The following ANKRD44 variants were observed in gnomAD, a reference collection of about 807,000 sequenced individuals.
ANKRD44 encodes the protein ankyrin repeat domain 44.
A neutral mutation model predicts 116.0 loss-of-function variants in ANKRD44; 35 were observed. The ratio of observed to expected loss-of-function variants is 0.30; its 90% confidence interval spans 0.23 to 0.40. The LOEUF (loss-of-function observed/expected upper bound fraction) is 0.40, where lower values mean the gene tolerates loss of function less well. Ranked by LOEUF, ANKRD44 falls within the 10% of genes least tolerant of loss-of-function variation. The probability of loss-of-function intolerance (pLI) is 1.00; values close to 1 mark genes in which losing one functional copy is unlikely to be tolerated. For synonymous variants in ANKRD44, 435 were observed against 461.8 expected (o/e 0.94, Z 0.74); for missense variants, 1,014 against 1,242.6 (o/e 0.82, Z 2.77).
At chr2:197,309,151 G>A (rs1452030642) in intron 1 of ANKRD44, among the ~76,000 whole-genome samples, 1 of 152,202 alleles carries the variant, frequency 6.6e-6, no homozygotes, top group Non-Finnish European at 1.5e-5. Context: ...ACGTGTACTA[G>A]CAAAGATGAC....
intron 21 of ANKRD44, among the ~76,000 whole-genome samples, chr2:196,972,954 G>A (rs970351707): frequency 3.9e-5 from 6 of 152,174 alleles, no homozygotes; most frequent in Non-Finnish European, 7.4e-5. Context: ...AAAGCATTGT[G>A]TCATAGTTTA....
chr2:197,013,795 T>G (rs893389814), intron 17 of ANKRD44, 83 bp from the exon 18 acceptor site: 3 of 1,451,196 alleles, frequency 2.1e-6, no homozygotes, highest in Non-Finnish European at 1.9e-6. Flanking sequence ...CTGGGCTTCC[T>G]GGGCCATGGA....
chr2:197,229,870 A>C (rs377730994), intron 1 of ANKRD44, among the ~76,000 whole-genome samples: 2 of 152,184 alleles, frequency 1.3e-5, no homozygotes, highest in South Asian at 2.1e-4. Context: ...ACATCGATGC[A>C]GAATTGGAAA....
At chr2:197,021,833 C>A (rs377538381) in intron 17 of ANKRD44, among the ~76,000 whole-genome samples, 3 of 152,314 alleles carry the variant, frequency 2.0e-5, no homozygotes, top group African/African-American at 7.2e-5. Flanking sequence ...TGATTAATTT[C>A]TCCAGACCTT....
chr2:197,129,666 T>A (rs542984112), intron 4 of ANKRD44, among the ~76,000 whole-genome samples: 7 of 152,304 alleles, frequency 4.6e-5, no homozygotes, highest in Admixed American at 1.3e-4. Context: ...TTTCTACTTT[T>A]TACAACTCTT....
intron 2 of ANKRD44, among the ~76,000 whole-genome samples, chr2:197,182,606 A>G (rs951038184): frequency 3.3e-5 from 5 of 152,204 alleles, no homozygotes; most frequent in Admixed American, 3.3e-4. Context: ...CATCAAGCAT[A>G]TACAGTTTTC....
chr2:197,100,451 A>C (rs1436360425), intron 9 of ANKRD44, among the ~76,000 whole-genome samples: 3 of 152,190 alleles, frequency 2.0e-5, no homozygotes, highest in Non-Finnish European at 2.9e-5. Context: ...AAAGAAAAAG[A>C]AAAAGAAAAA....
At chr2:197,005,644 G>A (rs2076188095) in intron 21 of ANKRD44, 50 bp downstream of exon 21, 2 of 1,568,418 alleles carry the variant, frequency 1.3e-6, no homozygotes, top group South Asian at 2.2e-5. Flanking sequence ...GCTCACAGTG[G>A]TCCTGGGGTA....
At chr2:197,004,597 T>C (rs2125905836) in intron 21 of ANKRD44, among the ~76,000 whole-genome samples, 1 of 152,304 alleles carries the variant, frequency 6.6e-6, no homozygotes. Context: ...TCGACAAAAA[T>C]TTAAAAAGGT....
At chr2:196,973,924 C>T (rs962746031) in intron 21 of ANKRD44, among the ~76,000 whole-genome samples, 1 of 152,078 alleles carries the variant, frequency 6.6e-6, no homozygotes, top group South Asian at 2.1e-4. Context: ...ATCTGTGAAG[C>T]CCTTTCTTAA....
Position 197,265,669 on chromosome 2 carries a change from T to C in ANKRD44, c.27+44909A>G, listed in dbSNP as rs190767490. On this transcript the variant is annotated intron_variant, in intron 1 of 27. Transcript: ENST00000282272. Reference sequence around the variant, plus strand: ...GATTCTCTATCTCCTAAGTGTAGAGTTTCTCATATGCAGAGATCATTATAA... The same window carrying C: ...GATTCTCTATCTCCTAAGTGTAGAGCTTCTCATATGCAGAGATCATTATAA... Among the ~76,000 whole-genome samples, 338 of 152,100 alleles carry C rather than the reference T, an allele frequency of 2.2e-3. 3 individuals carry two copies. Among genetic ancestry groups the C allele is most frequent in the African/African-American group, 7.9e-3 (326 of 41,494 alleles).
chr2:197,087,993 T>C (rs1269240097), intron 12 of ANKRD44, among the ~76,000 whole-genome samples: 1 of 152,190 alleles, frequency 6.6e-6, no homozygotes, highest in Non-Finnish European at 1.5e-5. Flanking sequence ...AATATACAAA[T>C]GACAAATGGA....
chr2:197,075,989 ATCT>A (rs1341621613), intron 16 of ANKRD44, among the ~76,000 whole-genome samples: 3 of 152,156 alleles, frequency 2.0e-5, no homozygotes, highest in Non-Finnish European at 4.4e-5. Context: ...ATGGCCCCCC[ATCT>A]TCTTCAATCC....
chr2:197,300,312 C>G (rs1210610589), intron 1 of ANKRD44, among the ~76,000 whole-genome samples: 4 of 152,100 alleles, frequency 2.6e-5, no homozygotes, highest in Non-Finnish European at 5.9e-5. Context: ...ATTTAGTCAC[C>G]AGGTTACCTG....
rs974708919 is a variant in ANKRD44 at position 196,988,421 on chromosome 2, C to T, written c.*1170G>A. 6.1e-6 allele frequency: 6 copies of T among 985,180 alleles called. No individual in the cohort carries two copies. Among genetic ancestry groups the T allele is most frequent in the Non-Finnish European group, 6.0e-6 (5 of 829,906 alleles). 61.0% of individuals were successfully genotyped at this position (985,180 alleles called of 1,614,324 possible). On this transcript the variant is annotated 3_prime_UTR_variant, in exon 28 of 28. Coordinates refer to ENST00000282272, the MANE Select transcript of ANKRD44 (RefSeq NM_001195144.2). ...AGGACAGAAGGTGGGAAGCACAACA[C>T]CAAGAATTCAAAAAAACAATGGTGG...
intron 1 of ANKRD44, among the ~76,000 whole-genome samples, chr2:197,289,540 T>C (rs1425904529): frequency 6.6e-6 from 1 of 152,184 alleles, no homozygotes; most frequent in Non-Finnish European, 1.5e-5. Flanking sequence ...TATTTAGCAA[T>C]AAGAAAGATT....
At chr2:197,276,275 CAAAAAA>C (rs11351342) in intron 1 of ANKRD44, among the ~76,000 whole-genome samples, 5 of 108,066 alleles carry the variant, frequency 4.6e-5, no homozygotes, top group Middle Eastern at 5.4e-3. Flanking sequence ...AACTTGGTCT[CAAAAAA>C]AAAAAAAAAA....
chr2:197,112,716 AAAAAAAG>A (rs2078616440), intron 8 of ANKRD44, among the ~76,000 whole-genome samples: 2 of 147,858 alleles, frequency 1.4e-5, no homozygotes, highest in Admixed American at 6.9e-5. Context: ...TCAAAAAAAA[AAAAAAAG>A]AAAAAAAGAA....
intron 7 of ANKRD44, among the ~76,000 whole-genome samples, chr2:197,121,894 G>A (rs2078864015): frequency 6.6e-6 from 1 of 152,192 alleles, no homozygotes; most frequent in Non-Finnish European, 1.5e-5. Flanking sequence ...CACACTCTAG[G>A]ATTGGGGCAC....
Sources: gnomAD v4.1 joint callset for allele counts (sites outside exome capture counted in the v4.1 genomes callset) on GRCh38, gnomAD v4.1.1 for gene constraint, MANE v1.5 for transcripts, NCBI Gene and HGNC (gene_info 2026-07-23, HGNC 2026-07-21) for gene names.